Variants in GALNT17 observed in about 807,000 individuals in gnomAD.
GALNT17 encodes polypeptide N-acetylgalactosaminyltransferase 17, also known as UDP-GalNAc:polypeptide N-acetylgalactosaminyltransferase-like 3.
GALNT17 carries 29 observed loss-of-function variants against 63.7 expected under a neutral mutation model. The ratio of observed to expected loss-of-function variants is 0.46; its 90% CI spans 0.34 to 0.62. The LOEUF (loss-of-function observed/expected upper bound fraction) is 0.62. Ranked by LOEUF, GALNT17 falls within the 20% of genes least tolerant of loss-of-function variation. The pLI is 0.01. For synonymous variants in GALNT17, 305 were observed against 318.3 expected (o/e 0.96, Z 0.45); for missense variants, 603 against 799.6 (o/e 0.75, Z 2.97).
chr7:71,504,117 A>G (rs1203817593), intron 5 of GALNT17, among the ~76,000 whole-genome samples: 1 of 151,668 alleles, frequency 6.6e-6, no homozygotes, highest in Non-Finnish European at 1.5e-5. Context: ...AGTCCCAGCT[A>G]CTCGGGAGGC....
intron 6 of GALNT17, among the ~76,000 whole-genome samples, chr7:71,575,128 T>C (rs766842381): frequency 9.2e-5 from 14 of 152,154 alleles, no homozygotes; most frequent in Non-Finnish European, 1.5e-4. Flanking sequence ...TCTGAGACAA[T>C]ACTACTTCTC....
intron 1 of GALNT17, among the ~76,000 whole-genome samples, chr7:71,163,299 G>A (rs1585850004): frequency 6.6e-6 from 1 of 152,166 alleles, no homozygotes; most frequent in Non-Finnish European, 1.5e-5. Context: ...AAGTGGAGAT[G>A]TTGTCCAGAG....
chr7:71,365,440 A>G (rs1057324014), intron 2 of GALNT17, among the ~76,000 whole-genome samples: 6 of 152,126 alleles, frequency 3.9e-5, no homozygotes, highest in Admixed American at 2.6e-4. Context: ...GGGTTTTACC[A>G]TGTTGGCCAG....
At chr7:71,358,402 A>G (rs1004847912) in intron 2 of GALNT17, among the ~76,000 whole-genome samples, 3 of 152,182 alleles carry the variant, frequency 2.0e-5, no homozygotes, top group East Asian at 3.9e-4. Context: ...CTCAAAAAAT[A>G]AATAAATAAA....
At chr7:71,274,289 G>T (rs1242029051) in intron 1 of GALNT17, among the ~76,000 whole-genome samples, 1 of 152,158 alleles carries the variant, frequency 6.6e-6, no homozygotes, top group Admixed American at 6.5e-5. Flanking sequence ...GTATTAAATG[G>T]ATGTTTTTAG....
rs546902545 is a variant in GALNT17 at position 71,585,341 on chromosome 7, C to G, written c.1080+13939C>G. Among the ~76,000 whole-genome samples, 15 of 152,270 alleles carry G rather than the reference C, an allele frequency of 9.9e-5. No homozygotes were observed. In the East Asian group the frequency reaches 2.9e-3, roughly 29 times the overall value. ...ACTTAATTAATGGTTTTAGCAGCTA[C>G]CAATGATCACTGCCTACACCCATTA... On this transcript the variant is annotated intron_variant, in intron 6 of 10. Transcript: ENST00000333538.
rs1793305687 is a variant in GALNT17, at chr7:71,405,094, A to T, written c.590-10795A>T. ...AATAATGTTGTACACACTGATAATT[A>T]GTCTGTAATCAGAAGTGTGGGTGCT... On this transcript the variant is annotated intron_variant, in intron 3 of 10. Coordinates refer to ENST00000333538, the MANE Select transcript of GALNT17 (RefSeq NM_022479.3). Among the ~76,000 whole-genome samples the T allele has an allele frequency of 1.3e-5, 2 of 152,222 alleles. 1 individual carries two copies. The highest frequency in any genetic ancestry group is 4.1e-4 in the South Asian group (2 of 4,832).
intron 3 of GALNT17, 110 bp from the exon 4 acceptor site, chr7:71,415,778 AT>A (rs1335596744): frequency 5.0e-5 from 63 of 1,256,262 alleles, no homozygotes; most frequent in African/African-American, 3.3e-4. Flanking sequence ...CTAACATGCG[AT>A]TTTTTTTGAG....
chr7:71,153,457 A>G (rs936352179), intron 1 of GALNT17, among the ~76,000 whole-genome samples: 1 of 152,186 alleles, frequency 6.6e-6, no homozygotes, highest in Admixed American at 6.5e-5. Flanking sequence ...AAGGGTGTTC[A>G]GGTTCTGTAA....
intron 6 of GALNT17, among the ~76,000 whole-genome samples, chr7:71,605,447 G>A (rs1287094936): frequency 1.3e-5 from 2 of 152,008 alleles, no homozygotes; most frequent in African/African-American, 2.4e-5. Flanking sequence ...TTAGCTGGGC[G>A]TGGTGGCGTG....
chr7:71,185,522 CTTTTTTTT>C lies in GALNT17; in HGVS notation c.238+52493_238+52500del, dbSNP rs747181057. Reference sequence around the variant, plus strand: ...CCATTCTCTAATTTTCGTTTCTTTTCTTTTTTTTTTTTTTTTTTGAGACGGAGTCTGGC... The same window carrying C: ...CCATTCTCTAATTTTCGTTTCTTTTCTTTTTTTTTTGAGACGGAGTCTGGC... On this transcript the variant is annotated intron_variant, in intron 1 of 10. Transcript: ENST00000333538. Among the ~76,000 whole-genome samples, 4 of 124,640 alleles carry C rather than the reference CTTTTTTTT, an allele frequency of 3.2e-5. No individual in the cohort carries two copies. In the Admixed American group the frequency reaches 3.6e-4, roughly 11 times the overall value. The allele number at this position is 124,640 out of a possible 152,430, so 81.8% of individuals were successfully genotyped here. A position where few individuals can be genotyped will look rare whatever the true frequency, so the allele number is the denominator to read the frequency against.
intron 1 of GALNT17, among the ~76,000 whole-genome samples, chr7:71,282,819 G>A (rs938730201): frequency 2.6e-4 from 39 of 152,134 alleles, no homozygotes; most frequent in African/African-American, 9.2e-4. Flanking sequence ...CTGTGGGAAG[G>A]TCTCAGAGGC....
At chr7:71,432,411 C>T (rs531796935) in intron 5 of GALNT17, among the ~76,000 whole-genome samples, 2 of 152,304 alleles carry the variant, frequency 1.3e-5, no homozygotes, top group East Asian at 3.9e-4. Context: ...TCCTTAGCTA[C>T]TCAACCTCCA....
rs112239169 is a variant in GALNT17, at chr7:71,435,985, A to G, written c.962+14880A>G. Among the ~76,000 whole-genome samples the G allele has an allele frequency of 3.3e-3, 469 of 143,606 alleles. 1 individual carries two copies. The highest frequency in any genetic ancestry group is 0.011 in the African/African-American group (445 of 39,918). 94.2% of individuals were successfully genotyped at this position (143,606 alleles called of 152,430 possible). ...CAGTGAGCCAAGATCACGCTACTGC[A>G]CTCCAGCCTGGGTTACAGAACGAGA... On this transcript the variant is annotated intron_variant, in intron 5 of 10. Transcript: ENST00000333538.
At chr7:71,592,544 A>AATAAAATAAAATAAAATAGCATAGC (rs11267770) in intron 6 of GALNT17, among the ~76,000 whole-genome samples, 9,258 of 115,018 alleles carry the variant, frequency 0.08, 554 homozygotes, top group East Asian at 0.16. Context: ...AATAAAATAA[A>AATAAAATAAAATAAAATAGCATAGC]ATAGCATAGC....
At chr7:71,430,653 T>C (rs1306651446) in intron 5 of GALNT17, among the ~76,000 whole-genome samples, 2 of 152,206 alleles carry the variant, frequency 1.3e-5, no homozygotes, top group African/African-American at 2.4e-5. Flanking sequence ...TATAATTTGA[T>C]AATAAATTAT....
intron 1 of GALNT17, among the ~76,000 whole-genome samples, chr7:71,329,625 GGCAC>G (rs1287765499): frequency 6.6e-6 from 1 of 152,040 alleles, no homozygotes; most frequent in East Asian, 1.9e-4. Flanking sequence ...AAGGGAAGCA[GGCAC>G]AATCTTCACA....
In GALNT17 at chr7:71,706,824, A is replaced by G. The variant is rs993057039; in HGVS notation, c.1501-3937A>G. On this transcript the variant is annotated intron_variant, in intron 9 of 10. Coordinates refer to ENST00000333538, the MANE Select transcript of GALNT17 (RefSeq NM_022479.3). ...AAGAAATGAGAACCCCATGCAGAGA[A>G]TCTTATCTGCCAGAAAAGAGCCACT... Among the ~76,000 whole-genome samples the G allele has an allele frequency of 2.0e-5, 3 of 152,276 alleles. No individual in the cohort carries two copies. The East Asian group carries it at 5.8e-4, about 29-fold the overall frequency.
At chr7:71,390,716 C>G (rs879500039) in intron 3 of GALNT17, among the ~76,000 whole-genome samples, 1 of 152,178 alleles carries the variant, frequency 6.6e-6, no homozygotes. Context: ...ACTCCCTGTT[C>G]CTGTGGCCCC....
Sources: allele counts gnomAD v4.1 joint callset (sites outside exome capture counted in the v4.1 genomes callset), GRCh38; gene constraint gnomAD v4.1.1; transcripts MANE v1.5; gene names NCBI Gene and HGNC (gene_info 2026-07-23, HGNC 2026-07-21).